The following KDM4C variants were observed in gnomAD, a reference collection of about 807,000 sequenced individuals.
The protein encoded by KDM4C is lysine demethylase 4C, also known as lysine-specific demethylase 4C.
KDM4C carries 81 observed loss-of-function variants against 129.3 expected under a neutral mutation model. The observed-to-expected ratio is 0.63, with a 90% CI of 0.52 to 0.75. The LOEUF is 0.75. Ranked by LOEUF, KDM4C falls within the 30% of genes least tolerant of loss-of-function variation. KDM4C has a pLI of 0.00. For missense variants in KDM4C, 1,457 were observed against 1,304.0 expected (o/e 1.12, Z -1.81); for synonymous variants, 573 against 456.1 (o/e 1.26, Z -3.26).
chr9:6,822,671 A>T (rs1833228785), intron 4 of KDM4C, among the ~76,000 whole-genome samples: 1 of 152,232 alleles, frequency 6.6e-6, no homozygotes, highest in African/African-American at 2.4e-5. Flanking sequence ...CTTTACATTA[A>T]AATACTCAGC....
At chr9:6,933,208 T>C (rs1279082740) in intron 8 of KDM4C, among the ~76,000 whole-genome samples, 1 of 152,236 alleles carries the variant, frequency 6.6e-6, no homozygotes, top group Non-Finnish European at 1.5e-5. Context: ...GAACAATAGG[T>C]ATAGGATGTT....
chr9:6,791,006 A>G (rs140649716), intron 1 of KDM4C, among the ~76,000 whole-genome samples: 1 of 152,280 alleles, frequency 6.6e-6, no homozygotes, highest in Non-Finnish European at 1.5e-5. Flanking sequence ...CGGTACTTCC[A>G]GATATTTCTG....
intron 15 of KDM4C, among the ~76,000 whole-genome samples, chr9:7,045,167 A>G (rs751273453): frequency 1.3e-5 from 2 of 152,034 alleles, no homozygotes; most frequent in South Asian, 2.1e-4. Context: ...GAACATGTGT[A>G]CCTGTTAATG....
chr9:7,009,507 A>G (rs529024147), intron 12 of KDM4C, among the ~76,000 whole-genome samples: 12 of 152,102 alleles, frequency 7.9e-5, no homozygotes, highest in Non-Finnish European at 1.6e-4. Flanking sequence ...CCCCCATCAA[A>G]GGTGTTATTA....
chr9:6,793,285 T>A (rs1399512412), intron 2 of KDM4C, among the ~76,000 whole-genome samples, 153 bp downstream of exon 2: 1 of 152,140 alleles, frequency 6.6e-6, no homozygotes, highest in African/African-American at 2.4e-5. Flanking sequence ...TTTCTTCAAA[T>A]AGTAATTGTC....
chr9:6,996,653 C>T (rs10975955), intron 12 of KDM4C, among the ~76,000 whole-genome samples: 21,398 of 152,176 alleles, frequency 0.14, 1,835 homozygotes, highest in African/African-American at 0.23. Flanking sequence ...TTTGCTGACA[C>T]AGTGATACTC....
intron 1 of KDM4C, among the ~76,000 whole-genome samples, chr9:6,742,888 C>T (rs890363784): frequency 1.3e-5 from 2 of 151,854 alleles, no homozygotes; most frequent in Admixed American, 1.3e-4. Context: ...TCTGGGGAGA[C>T]CCATGGGGTC....
chr9:7,117,512 T>C (rs1839034872), intron 18 of KDM4C, among the ~76,000 whole-genome samples: 1 of 152,114 alleles, frequency 6.6e-6, no homozygotes, highest in South Asian at 2.1e-4. Context: ...CTTCTCATTT[T>C]ATTCTCTCCA....
chr9:7,024,223 G>A (rs866895492), intron 15 of KDM4C, among the ~76,000 whole-genome samples: 1 of 149,376 alleles, frequency 6.7e-6, no homozygotes, highest in African/African-American at 2.5e-5. Flanking sequence ...TGCTGAGTGT[G>A]GTGTGTTGAT....
chr9:6,983,612 A>ACACACACACACACACC, intron 9 of KDM4C, among the ~76,000 whole-genome samples: 1 of 144,086 alleles, frequency 6.9e-6, no homozygotes, highest in East Asian at 2.1e-4. Flanking sequence ...ACACACACAC[A>ACACACACACACACACC]CCAGTTAGCC....
At chr9:6,725,773 G>A (rs561410687) in intron 1 of KDM4C, among the ~76,000 whole-genome samples, 19 of 146,534 alleles carry the variant, frequency 1.3e-4, no homozygotes, top group Non-Finnish European at 2.2e-4. Flanking sequence ...GCAGTGGTGC[G>A]ATCTCGGCTC....
chr9:6,915,694 C>T (rs1820181542), intron 8 of KDM4C, among the ~76,000 whole-genome samples: 1 of 151,914 alleles, frequency 6.6e-6, no homozygotes, highest in Non-Finnish European at 1.5e-5. Flanking sequence ...TTGTATATTC[C>T]TTGGACCTTA....
intron 19 of KDM4C, among the ~76,000 whole-genome samples, chr9:7,140,525 C>T (rs764108175): frequency 5.3e-5 from 8 of 152,182 alleles, no homozygotes; most frequent in Non-Finnish European, 1.2e-4. Context: ...AAGGCTAATG[C>T]TTCCCATGAA....
chr9:6,770,144 A>C (rs1821448108), intron 1 of KDM4C, among the ~76,000 whole-genome samples: 1 of 151,638 alleles, frequency 6.6e-6, no homozygotes, highest in South Asian at 2.1e-4. Flanking sequence ...GTGCCATTGC[A>C]CTCTAGCCTG....
chr9:6,971,434 T>C (rs1487755628), intron 8 of KDM4C, among the ~76,000 whole-genome samples: 1 of 152,202 alleles, frequency 6.6e-6, no homozygotes, highest in Non-Finnish European at 1.5e-5. Flanking sequence ...TTTGGACTGA[T>C]CAATGAATCT....
At chr9:6,728,389 C>G (rs1197544203) in intron 1 of KDM4C, among the ~76,000 whole-genome samples, 1 of 151,388 alleles carries the variant, frequency 6.6e-6, no homozygotes, top group South Asian at 2.1e-4. Context: ...CAAAAATTAG[C>G]TGGGCACAGT....
intron 17 of KDM4C, among the ~76,000 whole-genome samples, chr9:7,091,545 TAGAC>T (rs1835804775): frequency 6.6e-6 from 1 of 152,328 alleles, no homozygotes; most frequent in South Asian, 2.1e-4. Flanking sequence ...TGTTGAGAGT[TAGAC>T]AGATGTGTGA....
chr9:6,955,185 A>G (rs1212990159), intron 8 of KDM4C, among the ~76,000 whole-genome samples: 1 of 152,202 alleles, frequency 6.6e-6, no homozygotes, highest in Non-Finnish European at 1.5e-5. Flanking sequence ...ATATTTTAGC[A>G]GAAATTCTTC....
chr9:6,842,702 C>G (rs1379382223), intron 4 of KDM4C, among the ~76,000 whole-genome samples: 2 of 152,054 alleles, frequency 1.3e-5, no homozygotes, highest in Non-Finnish European at 2.9e-5. Flanking sequence ...TAAAAAAAAT[C>G]AGAAAATCTG....
Sources: gnomAD v4.1 joint callset for allele counts (sites outside exome capture counted in the v4.1 genomes callset) on GRCh38, gnomAD v4.1.1 for gene constraint, MANE v1.5 for transcripts, NCBI Gene and HGNC (gene_info 2026-07-23, HGNC 2026-07-21) for gene names.